SAMD12: variants seen among roughly 807,000 people sequenced by gnomAD.
SAMD12 encodes sterile alpha motif domain-containing protein 12.
A neutral mutation model predicts 15.0 loss-of-function variants in SAMD12; 9 were observed. That is an observed-to-expected ratio of 0.60 (90% CI 0.36 to 1.05). SAMD12 has a LOEUF of 1.05. SAMD12 is among the 50% of genes least tolerant of loss of function. The pLI is 0.01. For synonymous variants in SAMD12, 86 were observed against 90.1 expected, an observed-to-expected ratio of 0.96 and a Z score of 0.25; for missense variants, 230 against 234.2, an observed-to-expected ratio of 0.98 and a Z score of 0.12.
chr8:118,175,612 T>C, the SAMD12 span, among the ~76,000 whole-genome samples: 1 of 152,044 alleles, frequency 6.6e-6, no homozygotes, highest in African/African-American at 2.4e-5. Flanking sequence ...AGATCTAATA[T>C]CCAGAATCTA....
rs756262482 is a variant in SAMD12, at chr8:118,222,888, C to G, written c.434-25156G>C. The stretch of plus-strand genomic sequence containing the variant: ...TCACTGCACTGAATGTGATGCATCC[C>G]TCAGCAGAGCATGGGACAGGTCAAA... On this transcript the variant is annotated intron_variant, in intron 4 of 4. Transcript: ENST00000409003. Among the ~76,000 whole-genome samples, 15 of 152,256 alleles carry G rather than the reference C, an allele frequency of 9.9e-5. 1 individual carries two copies. Among genetic ancestry groups the G allele is most frequent in the Middle Eastern group, 6.8e-3 (2 of 294 alleles).
chr8:118,440,150 G>A (rs1377755366), intron 2 of SAMD12, among the ~76,000 whole-genome samples, 189 bp from the exon 3 acceptor site: 1 of 152,118 alleles, frequency 6.6e-6, no homozygotes, highest in Admixed American at 6.6e-5. Context: ...AGGTCCAGGT[G>A]GAGAAGCTGT....
chr8:118,159,221 G>T, the SAMD12 span, among the ~76,000 whole-genome samples: 2 of 152,136 alleles, frequency 1.3e-5, no homozygotes, highest in African/African-American at 4.8e-5. Context: ...GTTTCCTGGT[G>T]TCTCCAAGCT....
intron 3 of SAMD12, among the ~76,000 whole-genome samples, chr8:118,426,779 T>C (rs1822248165): frequency 1.3e-5 from 2 of 152,076 alleles, no homozygotes; most frequent in Admixed American, 6.5e-5. Context: ...TGTATGTTTT[T>C]CTTCAAGCAA....
At chr8:118,414,406 A>G (rs1008920616) in intron 3 of SAMD12, among the ~76,000 whole-genome samples, 12 of 152,180 alleles carry the variant, frequency 7.9e-5, no homozygotes, top group African/African-American at 2.9e-4. Context: ...AAAAAAGGAG[A>G]AATAGGAAAT....
At chr8:118,490,009 CA>C in intron 2 of SAMD12, among the ~76,000 whole-genome samples, 1 of 152,164 alleles carries the variant, frequency 6.6e-6, no homozygotes, top group Middle Eastern at 3.4e-3. Flanking sequence ...CTTTACATAC[CA>C]CTTCTCTGCA....
chr8:118,577,621 T>C (rs1827185596), intron 2 of SAMD12, among the ~76,000 whole-genome samples: 1 of 152,148 alleles, frequency 6.6e-6, no homozygotes, highest in Non-Finnish European at 1.5e-5. Flanking sequence ...GGAACTTGAT[T>C]TGCATAATCA....
intron 4 of SAMD12, among the ~76,000 whole-genome samples, chr8:118,202,248 A>C (rs939994335): frequency 5.3e-5 from 8 of 152,234 alleles, no homozygotes; most frequent in Non-Finnish European, 1.2e-4. Context: ...TCAAAGTCAA[A>C]GCTCTAACGC....
At chr8:118,541,494 A>G (rs10104444) in intron 2 of SAMD12, among the ~76,000 whole-genome samples, 64,178 of 151,938 alleles carry the variant, frequency 0.42, 13,892 homozygotes, top group Non-Finnish European at 0.48. Flanking sequence ...GGGATATACA[A>G]TCTCTGCCAA....
At chr8:118,251,259 C>T (rs777845678) in intron 4 of SAMD12, among the ~76,000 whole-genome samples, 1 of 152,096 alleles carries the variant, frequency 6.6e-6, no homozygotes, top group Non-Finnish European at 1.5e-5. Flanking sequence ...GATTCAGGTG[C>T]ATTTTCTAGT....
At chr8:118,401,557 G>A (rs921732494) in intron 3 of SAMD12, among the ~76,000 whole-genome samples, 1 of 77,022 alleles carries the variant, frequency 1.3e-5, no homozygotes, top group East Asian at 3.2e-4. Context: ...TTTTTTTTTT[G>A]TATAAACAGG....
chr8:118,323,819 TC>T (rs1255571334), intron 4 of SAMD12, among the ~76,000 whole-genome samples: 1 of 151,982 alleles, frequency 6.6e-6, no homozygotes, highest in Non-Finnish European at 1.5e-5. Context: ...AGTAGCGAGA[TC>T]CTGTCTCAAA....
chr8:118,308,200 C>A (rs372899759), intron 4 of SAMD12, among the ~76,000 whole-genome samples: 1 of 152,260 alleles, frequency 6.6e-6, no homozygotes, highest in African/African-American at 2.4e-5. Flanking sequence ...TTTGAGCGTT[C>A]CATTTGTTTC....
chr8:118,459,808 C>T (rs1411073700), intron 2 of SAMD12, among the ~76,000 whole-genome samples: 1 of 152,198 alleles, frequency 6.6e-6, no homozygotes, highest in East Asian at 1.9e-4. Context: ...CATCAAGTCT[C>T]CACTACATGC....
At chr8:118,430,573 G>A (rs539685955) in intron 3 of SAMD12, among the ~76,000 whole-genome samples, 1 of 152,128 alleles carries the variant, frequency 6.6e-6, no homozygotes, top group South Asian at 2.1e-4. Context: ...TATTGGCCAG[G>A]ATGGTCTCAA....
At chr8:118,317,416 C>A (rs34727859) in intron 4 of SAMD12, among the ~76,000 whole-genome samples, 3 of 151,988 alleles carry the variant, frequency 2.0e-5, no homozygotes, top group African/African-American at 7.2e-5. Context: ...CATAAATAAA[C>A]TGTGGGATGC....
intron 2 of SAMD12, among the ~76,000 whole-genome samples, chr8:118,460,490 A>G (rs1823383788): frequency 6.6e-6 from 1 of 152,202 alleles, no homozygotes; most frequent in South Asian, 2.1e-4. Context: ...AGGATAGAGA[A>G]AAGTATCAGA....
chr8:118,255,317 C>T (rs536651733), intron 4 of SAMD12, among the ~76,000 whole-genome samples: 122 of 152,088 alleles, frequency 8.0e-4, no homozygotes, highest in African/African-American at 2.9e-3. Flanking sequence ...CTGAATTCTT[C>T]TGGGGACAGC....
intron 2 of SAMD12, among the ~76,000 whole-genome samples, chr8:118,571,057 A>C (rs371655048): frequency 3.9e-5 from 6 of 152,196 alleles, no homozygotes; most frequent in Non-Finnish European, 8.8e-5. Flanking sequence ...GCACAGTCTC[A>C]GGTATGTCTT....
Sources: gnomAD v4.1 joint callset for allele counts (sites outside exome capture counted in the v4.1 genomes callset) on GRCh38, gnomAD v4.1.1 for gene constraint, MANE v1.5 for transcripts, NCBI Gene and HGNC (gene_info 2026-07-23, HGNC 2026-07-21) for gene names.